IGFBP2: variants seen among roughly 807,000 people sequenced by gnomAD.
IGFBP2 encodes insulin like growth factor binding protein 2.
Under a neutral mutation model 26.2 loss-of-function variants are expected in IGFBP2, and 12 were observed. That is an observed-to-expected ratio of 0.46 (90% CI 0.29 to 0.74). The LOEUF (loss-of-function observed/expected upper bound fraction) is 0.74, where lower values mean the gene tolerates loss of function less well. IGFBP2 is among the 30% of genes least tolerant of loss of function. The pLI, the probability that IGFBP2 is intolerant of heterozygous loss-of-function variation, is 0.09. For missense variants in IGFBP2, 328 were observed against 441.2 expected (o/e 0.74, Z 2.30); for synonymous variants, 189 against 200.6 (o/e 0.94, Z 0.49).
At chr2:216,639,581 T>G (rs887058097) in intron 1 of IGFBP2, among the ~76,000 whole-genome samples, 1 of 152,192 alleles carries the variant, frequency 6.6e-6, no homozygotes, top group Admixed American at 6.5e-5. Context: ...TTGTTTGTTT[T>G]TTTGTTTTTA....
rs1431691157 is a variant in IGFBP2 at position 216,664,053 on chromosome 2, C to T, written c.927C>T (p.Phe309=). Residue 309 remains phenylalanine, a synonymous_variant, in exon 4 of 4, where the codon TTC becomes TTT. Coordinates refer to ENST00000233809, the MANE Select transcript of IGFBP2 (RefSeq NM_000597.3). The surrounding 1 kb of genome is among the most constrained non-coding windows in gnomAD (Gnocchi z 4.6). ...TIRGDPECHL[F]YNEQQEARGV... The stretch of plus-strand genomic sequence containing the variant: ...GGGGGGACCCCGAGTGTCATCTCTT[C>T]TACAATGAGCAGCAGGAGGCTCGCG... The T allele has an allele frequency of 5.0e-6, 8 of 1,613,828 alleles. No homozygotes were observed. Among genetic ancestry groups the T allele is most frequent in the South Asian group, 4.4e-5 (4 of 91,022 alleles).
chr2:216,639,261 G>A (rs1004491503), intron 1 of IGFBP2, among the ~76,000 whole-genome samples: 10 of 151,288 alleles, frequency 6.6e-5, no homozygotes, highest in Non-Finnish European at 1.0e-4. Context: ...TCTCAAACTC[G>A]TGAACCTCAA....
chr2:216,664,157 C>A lies in IGFBP2; in HGVS notation c.*53C>A, dbSNP rs989392534. On this transcript the variant is annotated 3_prime_UTR_variant, in exon 4 of 4. Coordinates refer to ENST00000233809, the MANE Select transcript of IGFBP2 (RefSeq NM_000597.3). This position sits in a 1 kb window ranked among gnomAD's most constrained non-coding sequence, Gnocchi z 4.6. ...CTGCCCCCCGCCCCTCTCCAAACACCGGCAGAAAACGGAGAGTGCTTGGGT... is the reference window on the plus strand; with the variant it reads ...CTGCCCCCCGCCCCTCTCCAAACACAGGCAGAAAACGGAGAGTGCTTGGGT... 1.4e-4 allele frequency: 198 copies of A among 1,408,424 alleles called. 3 individuals carry two copies. The East Asian group carries it at 4.8e-3, about 34-fold the overall frequency. 87.2% of individuals were successfully genotyped at this position (1,408,424 alleles called of 1,614,324 possible). A position where few individuals can be genotyped will look rare whatever the true frequency, so the allele number is the denominator to read the frequency against.
At chr2:216,649,278 T>C (rs1296741139) in intron 1 of IGFBP2, among the ~76,000 whole-genome samples, 1 of 152,242 alleles carries the variant, frequency 6.6e-6, no homozygotes, top group Non-Finnish European at 1.5e-5. Context: ...CTGCTATATA[T>C]TGTTCCTTTG....
At chr2:216,655,352 T>A (rs1384365394) in intron 1 of IGFBP2, among the ~76,000 whole-genome samples, 1 of 151,960 alleles carries the variant, frequency 6.6e-6, no homozygotes, top group Non-Finnish European at 1.5e-5. Flanking sequence ...TGGGGGTGGG[T>A]CCCCCATGTT....
intron 1 of IGFBP2, among the ~76,000 whole-genome samples, chr2:216,635,538 T>C (rs1228802834): frequency 6.6e-6 from 1 of 152,124 alleles, no homozygotes; most frequent in African/African-American, 2.4e-5. Context: ...GGCCTCTAAG[T>C]TCATAGGATG....
intron 1 of IGFBP2, chr2:216,659,587 C>T (rs1697992291): frequency 5.6e-6 from 4 of 718,176 alleles, no homozygotes; most frequent in Non-Finnish European, 9.8e-6. Flanking sequence ...CTCTCTGCCT[C>T]CTTTGGCTGG....
rs1697529986 is a variant in IGFBP2, at chr2:216,637,838, T to A, written c.442+3873T>A. Among the ~76,000 whole-genome samples the A allele has an allele frequency of 3.3e-5, 5 of 152,216 alleles. 1 individual carries two copies. In the South Asian group the frequency reaches 1.0e-3, roughly 32 times the overall value. Reference sequence around the variant, plus strand: ...TGTTGGCCTACTTCAGCACTGAGCTTCAAGACTTTCAGGCAAATCATTCCT... The same window carrying A: ...TGTTGGCCTACTTCAGCACTGAGCTACAAGACTTTCAGGCAAATCATTCCT... On this transcript the variant is annotated intron_variant, in intron 1 of 3. Transcript: ENST00000233809.
intron 1 of IGFBP2, among the ~76,000 whole-genome samples, chr2:216,658,979 C>T (rs1489871090): frequency 6.6e-6 from 1 of 152,202 alleles, no homozygotes; most frequent in East Asian, 1.9e-4. Flanking sequence ...GGGGAGAACA[C>T]GTGCAGCTGA....
At chr2:216,662,108 G>A (rs762667737) in intron 3 of IGFBP2, 110 bp downstream of exon 3, 6 of 1,233,644 alleles carry the variant, frequency 4.9e-6, no homozygotes, top group Non-Finnish European at 5.7e-6. Context: ...TGAGCTGAGT[G>A]AGAGACTCAG....
chr2:216,636,970 C>T (rs1459409047), intron 1 of IGFBP2, among the ~76,000 whole-genome samples: 1 of 151,532 alleles, frequency 6.6e-6, no homozygotes, highest in Non-Finnish European at 1.5e-5. Context: ...GGCTCTGCAT[C>T]TGCAGTTGCC....
At position 216,661,910 on chromosome 2, in the gene IGFBP2, G is replaced by A. The variant is rs774149508; in HGVS notation, c.725G>A (p.Arg242His). Residue 242 changes from arginine to histidine, a missense_variant, in exon 3 of 4, where the codon CGC becomes CAC. Physicochemically the swap from Arg to His is conservative, Grantham distance 29. Coordinates refer to ENST00000233809, the MANE Select transcript of IGFBP2 (RefSeq NM_000597.3). ...DQVLERISTM[R>H]LPDERGPLEH... ...GTCCTGGAGCGGATCTCCACCATGCGCCTTCCGGATGAGCGGGGCCCTCTG... is the reference window on the plus strand; with the variant it reads ...GTCCTGGAGCGGATCTCCACCATGCACCTTCCGGATGAGCGGGGCCCTCTG... 9 of 1,614,200 alleles carry A rather than the reference G, an allele frequency of 5.6e-6. No homozygotes were observed. The highest frequency in any genetic ancestry group is 2.2e-5 in the East Asian group (1 of 44,878).
At chr2:216,657,067 C>T (rs998342891) in intron 1 of IGFBP2, among the ~76,000 whole-genome samples, 2 of 152,174 alleles carry the variant, frequency 1.3e-5, no homozygotes, top group South Asian at 2.1e-4. Flanking sequence ...TTGTCTTTCT[C>T]ATTTTGATCC....
At chr2:216,635,932 G>A (rs1028626021) in intron 1 of IGFBP2, among the ~76,000 whole-genome samples, 1 of 152,074 alleles carries the variant, frequency 6.6e-6, no homozygotes, top group South Asian at 2.1e-4. Flanking sequence ...GGGAAGAGGG[G>A]ATGTTAAGCA....
At chr2:216,647,875 C>T (rs192922793) in intron 1 of IGFBP2, among the ~76,000 whole-genome samples, 51 of 152,254 alleles carry the variant, frequency 3.3e-4, no homozygotes, top group African/African-American at 1.2e-3. Context: ...GGCTGGAATG[C>T]AATTGCACGA....
chr2:216,640,614 T>C (rs7603372), intron 1 of IGFBP2, among the ~76,000 whole-genome samples: 71,008 of 151,996 alleles, frequency 0.47, 18,849 homozygotes, highest in African/African-American at 0.74. Flanking sequence ...ACCTCCATTT[T>C]GCAGGTGTGG....
In IGFBP2 at chr2:216,664,028, G is replaced by C. The variant is rs765220501; in HGVS notation, c.902G>C (p.Arg301Pro). Residue 301 changes from arginine to proline, a missense_variant, in exon 4 of 4, where the codon CGG (arginine) becomes CCG (proline). Transcript: ENST00000233809. The surrounding 1 kb of genome is among the most constrained non-coding windows in gnomAD (Gnocchi z 4.6). ...GKLIQGAPTI[R>P]GDPECHLFYN... is the part of the protein sequence containing the mutation. ...CTGATCCAGGGAGCCCCCACCATCC[G>C]GGGGGACCCCGAGTGTCATCTCTTC... The C allele has an allele frequency of 6.2e-7, 1 of 1,613,840 alleles. No homozygotes were observed. Among genetic ancestry groups the C allele is most frequent in the East Asian group, 2.2e-5 (1 of 44,856 alleles).
At chr2:216,652,453 G>A (rs149189311) in intron 1 of IGFBP2, among the ~76,000 whole-genome samples, 2 of 152,356 alleles carry the variant, frequency 1.3e-5, no homozygotes, top group East Asian at 1.9e-4. Flanking sequence ...TGGGATTACA[G>A]GCGTGAGCCA....
intron 1 of IGFBP2, among the ~76,000 whole-genome samples, chr2:216,650,669 G>A (rs1255639282): frequency 1.3e-5 from 2 of 152,198 alleles, no homozygotes; most frequent in African/African-American, 4.8e-5. Context: ...GGAGGGAGAT[G>A]ATTCTCAGAA....
Sources: gnomAD v4.1 joint callset for allele counts (sites outside exome capture counted in the v4.1 genomes callset) on GRCh38, gnomAD v4.1.1 for gene constraint, Gnocchi (gnomAD v3.1) non-coding constraint, MANE v1.5 for transcripts, NCBI Gene and HGNC (gene_info 2026-07-23, HGNC 2026-07-21) for gene names.